ENPP3: variants seen among roughly 807,000 people sequenced by gnomAD.
ENPP3 encodes ectonucleotide pyrophosphatase/phosphodiesterase 3.
Under a neutral mutation model 117.8 loss-of-function variants are expected in ENPP3, and 104 were observed. The observed-to-expected ratio is 0.88, with a 90% CI of 0.75 to 1.04. ENPP3 has a LOEUF of 1.04. Among genes scored for constraint, ENPP3 ranks in the 50% least tolerant of loss-of-function variants. The pLI is 0.00. For missense variants in ENPP3, 1,026 were observed against 1,051.9 expected (o/e 0.98, Z 0.34); for synonymous variants, 380 against 349.9 (o/e 1.09, Z -0.96).
chr6:131,705,914 G>A (rs1212205518), intron 15 of ENPP3, among the ~76,000 whole-genome samples: 1 of 135,940 alleles, frequency 7.4e-6, no homozygotes, highest in South Asian at 2.3e-4. Context: ...TTACTTACAT[G>A]TTTGTGGGAT....
Position 131,674,298 on chromosome 6 carries a change from A to C in ENPP3, c.762+17A>C. The C allele has an allele frequency of 6.2e-7, 1 of 1,613,090 alleles. No individual in the cohort carries two copies. Among genetic ancestry groups the C allele is most frequent in the Middle Eastern group, 1.7e-4 (1 of 6,060 alleles). On this transcript the variant is annotated intron_variant, in intron 8 of 24. Transcript: ENST00000357639. Reference sequence around the variant, plus strand: ...GGGCAACCAGTATGTAGCATTCTACACGTCGCAACTGAAGTAACCTCCATT... The same window carrying C: ...GGGCAACCAGTATGTAGCATTCTACCCGTCGCAACTGAAGTAACCTCCATT...
chr6:131,693,531 T>C lies in ENPP3; in HGVS notation c.1319T>C (p.Leu440Ser). Residue 440 changes from leucine (L) to serine (S), a missense_variant, in exon 15 of 25, where the codon TTG (leucine) becomes TCG (serine). By Grantham distance (145) the Leu-to-Ser change is moderately radical (BLOSUM62 -2). Coordinates refer to ENST00000357639, the MANE Select transcript of ENPP3 (RefSeq NM_005021.5). ...RKPDQHFKPY[L>S]TPDLPKRLHY... is the part of the protein sequence containing the mutation. ...CCTGATCAGCATTTCAAGCCCTATT[T>C]GACTCCTGATTTGCCAAAGCGACTG... 6.2e-7 allele frequency: 1 copy of C among 1,613,504 alleles called. No individual in the cohort carries two copies. The highest frequency in any genetic ancestry group is 8.5e-7 in the Non-Finnish European group (1 of 1,179,726).
chr6:131,739,801 T>A (rs1780487226), intron 23 of ENPP3, among the ~76,000 whole-genome samples: 1 of 151,882 alleles, frequency 6.6e-6, no homozygotes, highest in Non-Finnish European at 1.5e-5. Flanking sequence ...CCTGGTGCAG[T>A]GGCTCACGCC....
chr6:131,660,494 G>A (rs1778476271), intron 6 of ENPP3, among the ~76,000 whole-genome samples: 1 of 152,220 alleles, frequency 6.6e-6, no homozygotes, highest in African/African-American at 2.4e-5. Context: ...CCAAGATCAG[G>A]AAACTGTCAA....
At chr6:131,662,826 G>T (rs777777323) in intron 6 of ENPP3, among the ~76,000 whole-genome samples, 1 of 152,016 alleles carries the variant, frequency 6.6e-6, no homozygotes, top group Non-Finnish European at 1.5e-5. Flanking sequence ...TGAACATGAG[G>T]TGTCTTTCCA....
At chr6:131,720,197 G>C (rs769225423) in intron 16 of ENPP3, 95 bp from the exon 17 acceptor site, 6 of 687,382 alleles carry the variant, frequency 8.7e-6, no homozygotes, top group Non-Finnish European at 1.5e-5. Flanking sequence ...ATACAAATAG[G>C]AGAGTAGTTA....
At chr6:131,720,666 C>T (rs1200206225) in intron 17 of ENPP3, among the ~76,000 whole-genome samples, 1 of 152,168 alleles carries the variant, frequency 6.6e-6, no homozygotes, top group Non-Finnish European at 1.5e-5. Context: ...ACTGGAACCT[C>T]CGCCTCCCAG....
At chr6:131,648,639 A>G (rs1408731945) in intron 2 of ENPP3, among the ~76,000 whole-genome samples, 1 of 152,202 alleles carries the variant, frequency 6.6e-6, no homozygotes, top group Non-Finnish European at 1.5e-5. Flanking sequence ...ATTTAAAACT[A>G]TGCACTGGTT....
Position 131,740,833 on chromosome 6 carries a change from C to T in ENPP3, c.2457+453C>T, listed in dbSNP as rs532873632. On this transcript the variant is annotated intron_variant, in intron 24 of 24. Transcript: ENST00000357639. ...GTGGTAATAGCACTCAAAGTCCTCT[C>T]TTCTAGCTATCTTGAAATATACAAT... Among the ~76,000 whole-genome samples, 46 of 152,280 alleles carry T rather than the reference C, an allele frequency of 3.0e-4. 1 individual carries two copies. In the South Asian group the frequency reaches 8.9e-3, roughly 29 times the overall value.
chr6:131,696,024 T>A (rs1391660576), intron 15 of ENPP3, among the ~76,000 whole-genome samples: 1 of 152,218 alleles, frequency 6.6e-6, no homozygotes, highest in African/African-American at 2.4e-5. Context: ...TCATTTTTAG[T>A]AATAATGTGC....
chr6:131,682,998 G>C, intron 11 of ENPP3, 56 bp from the exon 12 acceptor site: 1 of 1,049,888 alleles, frequency 9.5e-7, no homozygotes, highest in East Asian at 2.4e-5. Flanking sequence ...TTAGATAACG[G>C]TTTGGCTAAT....
rs1778834153 is a variant in ENPP3, at chr6:131,674,989, G to A, written c.763-91G>A. ...TAAAATTTCAATTTTAATACATGTT[G>A]CAACTATTAATCTTGTTTAGTTTCT... On this transcript the variant is annotated intron_variant, in intron 8 of 24. Coordinates refer to ENST00000357639, the MANE Select transcript of ENPP3 (RefSeq NM_005021.5). The A allele has an allele frequency of 1.4e-5, 10 of 716,588 alleles. No individual in the cohort carries two copies. In the East Asian group the frequency reaches 2.5e-4, roughly 18 times the overall value. 44.4% of individuals were successfully genotyped at this position (716,588 alleles called of 1,614,324 possible).
At chr6:131,678,907 C>CTCTTTCTCTCTTTCTTTCTTTCTT (rs1778932219) in intron 11 of ENPP3, among the ~76,000 whole-genome samples, 3 of 71,718 alleles carry the variant, frequency 4.2e-5, no homozygotes, top group African/African-American at 1.5e-4. Flanking sequence ...CTTTCTTTCT[C>CTCTTTCTCTCTTTCTTTCTTTCTT]TCTTTCTTTC....
At chr6:131,739,488 A>T (rs944363784) in intron 23 of ENPP3, among the ~76,000 whole-genome samples, 8 of 152,034 alleles carry the variant, frequency 5.3e-5, no homozygotes, top group Admixed American at 4.6e-4. Context: ...CTGGAGGTGG[A>T]ATCTGGGCTC....
chr6:131,723,720 T>G (rs1356560518), intron 18 of ENPP3, among the ~76,000 whole-genome samples: 6 of 152,128 alleles, frequency 3.9e-5, no homozygotes, highest in Admixed American at 6.6e-5. Flanking sequence ...TAAGGAGCAC[T>G]GGGATGTTGT....
chr6:131,693,380 C>A, intron 14 of ENPP3, 117 bp from the exon 15 acceptor site: 2 of 848,618 alleles, frequency 2.4e-6, no homozygotes, highest in East Asian at 2.7e-5. Context: ...ATTGTATTAG[C>A]CAAGCTGAAA....
chr6:131,638,530 A>G (rs1048116220), intron 1 of ENPP3: 43 of 444,552 alleles, frequency 9.7e-5, no homozygotes, highest in African/African-American at 8.7e-4. Context: ...CAGCCTCCTG[A>G]GTAGCTTGGA....
chr6:131,637,951 G>T (rs1777961093), intron 1 of ENPP3, among the ~76,000 whole-genome samples: 3 of 140,996 alleles, frequency 2.1e-5, no homozygotes, highest in Admixed American at 7.3e-5. Flanking sequence ...AATTTTCCTT[G>T]ATTTTATTTT....
chr6:131,657,786 A>T (rs1040504067), intron 5 of ENPP3, among the ~76,000 whole-genome samples: 1 of 152,170 alleles, frequency 6.6e-6, no homozygotes, highest in Non-Finnish European at 1.5e-5. Flanking sequence ...CTGTTTCTTC[A>T]TCTGGGTGAT....
Sources: gnomAD v4.1 joint callset for allele counts (sites outside exome capture counted in the v4.1 genomes callset) on GRCh38, gnomAD v4.1.1 for gene constraint, MANE v1.5 for transcripts, NCBI Gene and HGNC (gene_info 2026-07-23, HGNC 2026-07-21) for gene names.